Variants in RANBP1 observed in about 807,000 individuals in gnomAD.
RANBP1 encodes the protein RAN binding protein 1.
A neutral mutation model predicts 31.4 loss-of-function variants in RANBP1; 16 were observed. The observed-to-expected ratio is 0.51, with a 90% confidence interval of 0.34 to 0.77. The LOEUF is 0.77. Among genes scored for constraint, RANBP1 ranks in the 30% least tolerant of loss-of-function variants. The pLI is 0.01. For synonymous variants in RANBP1, 129 were observed against 140.5 expected, an observed-to-expected ratio of 0.92 and a Z score of 0.58; for missense variants, 265 against 362.0, an observed-to-expected ratio of 0.73 and a Z score of 2.17.
Position 20,116,529 on chromosome 22 carries a change from CGGGGCTGCA to C in RANBP1, c.246+104_246+112del, listed in dbSNP as rs774247221. 4.4e-5 allele frequency: 71 copies of C among 1,607,528 alleles called. No individual in the cohort carries two copies. The East Asian group carries it at 1.2e-3, about 27-fold the overall frequency. On this transcript the variant is annotated intron_variant, in intron 1 of 5. Transcript: ENST00000430524. ...CTTTCTCCACCTCCTCCAGGGCTGC[CGGGGCTGCA>C]GGGGGCACCGAGACGGTAGGGCAGC...
chr22:20,116,900 C>A (rs1205108607), intron 1 of RANBP1: 1 of 1,601,264 alleles, frequency 6.2e-7, no homozygotes, highest in Middle Eastern at 1.7e-4. Flanking sequence ...TCGAGGTTCT[C>A]ACTCATCGCC....
intron 4 of RANBP1, 108 bp from the exon 5 acceptor site, chr22:20,126,195 A>C: frequency 1.5e-6 from 2 of 1,301,236 alleles, no homozygotes; most frequent in South Asian, 2.8e-5. Context: ...TTAGGTCAGC[A>C]ATTACCATGA....
intron 2 of RANBP1, chr22:20,119,633 T>C (rs183260290): frequency 1.8e-3 from 292 of 158,898 alleles, no homozygotes; most frequent in South Asian, 5.4e-3. Flanking sequence ...GTTCACGCCA[T>C]TCTCCTGCCT....
chr22:20,121,324 G>A (rs1308071903), intron 2 of RANBP1, among the ~76,000 whole-genome samples: 2 of 151,676 alleles, frequency 1.3e-5, no homozygotes, highest in Non-Finnish European at 2.9e-5. Flanking sequence ...ATCTCAGCTC[G>A]CCGCAACCTC....
Position 20,122,166 on chromosome 22 carries a change from A to C in RANBP1, c.384-98A>C, listed in dbSNP as rs2050185805. ...GAAGGGCTGGGGCGTTCGTGGAGGC[A>C]TGGGGTCCTGCAGTGCAGAGTTGTC... On this transcript the variant is annotated intron_variant, in intron 2 of 5. Transcript: ENST00000430524. 3 of 1,384,092 alleles carry C rather than the reference A, an allele frequency of 2.2e-6. No individual in the cohort carries two copies. In the Admixed American group the frequency reaches 6.0e-5, roughly 28 times the overall value. The allele number at this position is 1,384,092 out of a possible 1,614,324, so 85.7% of individuals were successfully genotyped here. A position where few individuals can be genotyped will look rare whatever the true frequency, so the allele number is the denominator to read the frequency against.
At chr22:20,119,706 G>T (rs939809920) in intron 2 of RANBP1, among the ~76,000 whole-genome samples, 1 of 152,082 alleles carries the variant, frequency 6.6e-6, no homozygotes, top group Non-Finnish European at 1.5e-5. Flanking sequence ...TAGTAGAGAC[G>T]GAGTTTCACC....
chr22:20,121,299 G>T (rs1388169561), intron 2 of RANBP1, among the ~76,000 whole-genome samples: 1 of 152,026 alleles, frequency 6.6e-6, no homozygotes, highest in Non-Finnish European at 1.5e-5. Flanking sequence ...GCCCAGGCTG[G>T]TGCGCAATGG....
In RANBP1 at chr22:20,126,972, C is replaced by G; in HGVS notation, c.757C>G (p.His253Asp). Reference protein sequence around the residue: ...EKKAGSGKNDHAEKVAEKLEA... With the variant: ...EKKAGSGKNDDAEKVAEKLEA... ...TTTAGCAGGATCAGGCAAAAATGAT[C>G]ATGCCGAAAAAGTGGCGGAAAAGCT... is the stretch of plus-strand genomic sequence containing the variant. The change falls in exon 6 of 6, where the codon CAT becomes GAT. Residue 253 changes from histidine (H) to aspartate (D), a missense_variant. By Grantham distance (81) the His-to-Asp change is moderately conservative. Around this residue, in one of 3 missense-constraint regions of RANBP1, gnomAD observed 49 missense variants for 47.9 expected, o/e 1.02. Transcript: ENST00000430524. The G allele has an allele frequency of 6.2e-7, 1 of 1,613,320 alleles. No individual in the cohort carries two copies. Among genetic ancestry groups the G allele is most frequent in the Admixed American group, 1.7e-5 (1 of 59,948 alleles).
At chr22:20,117,842 G>T (rs868811636) in intron 1 of RANBP1, 60 of 1,020,266 alleles carry the variant, frequency 5.9e-5, no homozygotes, top group Non-Finnish European at 6.8e-5. Context: ...CGAGGCCTGC[G>T]GAGTTGGGGC....
chr22:20,116,267 T>C lies in RANBP1; in HGVS notation c.83T>C (p.Leu28Ser), dbSNP rs2050014593. Reference sequence around the variant, plus strand: ...GCACCATGCAAAACGCGCAGGGCCTTGTCCCTCTCTGCAGCGCTGCGGAAT... The same window carrying C: ...GCACCATGCAAAACGCGCAGGGCCTCGTCCCTCTCTGCAGCGCTGCGGAAT... ...QRAPCKTRRA[L>S]SLSAALRNVT... is the part of the protein sequence containing the mutation. The change falls in exon 1 of 6, where the codon TTG becomes TCG. Residue 28 changes from leucine to serine, a missense_variant. Coordinates refer to ENST00000430524, the MANE Select transcript of RANBP1 (RefSeq NM_001278639.2). 2.5e-6 allele frequency: 4 copies of C among 1,612,850 alleles called. No homozygotes were observed. In the African/African-American group the frequency reaches 4.0e-5, roughly 16 times the overall value.
chr22:20,117,196 AGC>A, intron 1 of RANBP1: 1 of 540,870 alleles, frequency 1.8e-6, no homozygotes, highest in Non-Finnish European at 3.1e-6. Flanking sequence ...TTAGTCCGCC[AGC>A]GCGTGCGGCG....
chr22:20,118,346 T>G, intron 1 of RANBP1: 1 of 1,002,110 alleles, frequency 1.0e-6, no homozygotes, highest in Non-Finnish European at 1.2e-6. Context: ...ACCTAAAATA[T>G]GATTATTGGT....
At chr22:20,126,890 G>T in intron 5 of RANBP1, 62 bp from the exon 6 acceptor site, 1 of 1,572,662 alleles carries the variant, frequency 6.4e-7, no homozygotes, top group South Asian at 1.1e-5. Context: ...CCAGCCTGGC[G>T]AGGGCCATGT....
Position 20,119,073 on chromosome 22 carries a change from C to G in RANBP1, c.307C>G (p.Gln103Glu), listed in dbSNP as rs756055432. The stretch of plus-strand genomic sequence containing the variant: ...TACAGACGAGTCCAACCATGACCCT[C>G]AGTTTGAGCCAATAGTTTCTCTTCC... ...ENTDESNHDP[Q>E]FEPIVSLPEQ... is the part of the protein sequence containing the mutation. The change falls in exon 2 of 6, where the codon CAG becomes GAG. Residue 103 changes from glutamine to glutamate, a missense_variant. Physicochemically the swap from Gln to Glu is conservative, Grantham distance 29. Around this residue, in one of 3 missense-constraint regions of RANBP1, gnomAD observed 90 missense variants for 190.5 expected, o/e 0.47. Transcript: ENST00000430524. 1.9e-6 allele frequency: 3 copies of G among 1,612,282 alleles called. No individual in the cohort carries two copies. Among genetic ancestry groups the G allele is most frequent in the Non-Finnish European group, 2.5e-6 (3 of 1,178,586 alleles).
In RANBP1 at chr22:20,127,041, G is replaced by A. The variant is rs1210222155; in HGVS notation, c.826G>A (p.Glu276Lys). The A allele has an allele frequency of 1.9e-6, 3 of 1,608,754 alleles. No homozygotes were observed. Among genetic ancestry groups the A allele is most frequent in the Non-Finnish European group, 2.5e-6 (3 of 1,178,088 alleles). ...VKEETKEDAE[E>K]KQ is the part of the protein sequence containing the mutation. The stretch of plus-strand genomic sequence containing the variant: ...GGAGGAGACCAAGGAGGATGCTGAG[G>A]AGAAGCAATAAATCGTCTTATTTTA... Residue 276 changes from glutamate to lysine, a missense_variant, in exon 6 of 6, where the codon GAG (glutamate) becomes AAG (lysine). By Grantham distance (56) the Glu-to-Lys change is moderately conservative. Coordinates refer to ENST00000430524, the MANE Select transcript of RANBP1 (RefSeq NM_001278639.2).
At chr22:20,122,718 G>T in intron 3 of RANBP1, 1 of 1,141,054 alleles carries the variant, frequency 8.8e-7, no homozygotes. Flanking sequence ...CAGGGCGAGG[G>T]GGTGCTGTGT....
chr22:20,123,893 G>T (rs547504050), intron 3 of RANBP1, among the ~76,000 whole-genome samples: 16 of 152,064 alleles, frequency 1.1e-4, no homozygotes, highest in Non-Finnish European at 2.1e-4. Context: ...TGAGTGTCAT[G>T]CGTGTCCGGC....
At chr22:20,125,824 T>C (rs2050284283) in intron 4 of RANBP1, among the ~76,000 whole-genome samples, 1 of 152,250 alleles carries the variant, frequency 6.6e-6, no homozygotes, top group South Asian at 2.1e-4. Flanking sequence ...CCCCTCATGG[T>C]TGCCTGGGTG....
chr22:20,118,811 CTG>C (rs2050111247), intron 1 of RANBP1, among the ~76,000 whole-genome samples, 200 bp from the exon 2 acceptor site: 3 of 152,232 alleles, frequency 2.0e-5, no homozygotes, highest in South Asian at 4.1e-4. Context: ...GTGTCTCACT[CTG>C]TGCTCACATG....
Sources: gnomAD v4.1 joint callset for allele counts (sites outside exome capture counted in the v4.1 genomes callset) on GRCh38, gnomAD v4.1.1 for gene constraint, gnomAD v4.1.1 regional missense constraint, MANE v1.5 for transcripts, NCBI Gene and HGNC (gene_info 2026-07-23, HGNC 2026-07-21) for gene names.